Variants in CCSER1 observed in about 807,000 individuals in gnomAD.
CCSER1 encodes serine-rich coiled-coil domain-containing protein 1.
In CCSER1, 41 loss-of-function variants were observed where a neutral mutation model predicts 82.0. That is an observed-to-expected ratio of 0.50 (90% CI 0.39 to 0.65). The LOEUF (loss-of-function observed/expected upper bound fraction) is 0.65, where lower values mean the gene tolerates loss of function less well. Among genes scored for constraint, CCSER1 ranks in the 30% least tolerant of loss-of-function variants. The pLI is 0.00. For synonymous variants in CCSER1, 414 were observed against 383.9 expected, an observed-to-expected ratio of 1.08 and a Z score of -0.92; for missense variants, 1,119 against 1,064.2, an observed-to-expected ratio of 1.05 and a Z score of -0.72.
intron 10 of CCSER1, among the ~76,000 whole-genome samples, chr4:91,107,341 A>G (rs775438127): frequency 2.0e-4 from 30 of 151,870 alleles, no homozygotes; most frequent in Non-Finnish European, 3.7e-4. Flanking sequence ...TGCAACCTCC[A>G]CCTCCCAGGT....
chr4:90,462,758 G>C (rs2153584765), intron 4 of CCSER1, among the ~76,000 whole-genome samples: 1 of 152,154 alleles, frequency 6.6e-6, no homozygotes, highest in South Asian at 2.1e-4. Flanking sequence ...AAGTAAAACA[G>C]TTATAAATAA....
At position 90,287,984 on chromosome 4, in the gene CCSER1, A is replaced by C. The variant is rs73832739; in HGVS notation, c.-41-20260A>C. Among the ~76,000 whole-genome samples, 27 of 151,742 alleles carry C rather than the reference A, an allele frequency of 1.8e-4. No homozygotes were observed. In the South Asian group the frequency reaches 5.6e-3, roughly 32 times the overall value. ...AACAACAACAAAAAAAACCCTGGGC[A>C]TTTTTTTATTCTTTTCTTTCTCTCA... On this transcript the variant is annotated intron_variant, in intron 1 of 10. Coordinates refer to ENST00000509176, the MANE Select transcript of CCSER1 (RefSeq NM_001145065.2).
chr4:90,932,660 T>A (rs1729974263), intron 9 of CCSER1, among the ~76,000 whole-genome samples: 1 of 151,044 alleles, frequency 6.6e-6, no homozygotes, highest in Non-Finnish European at 1.5e-5. Context: ...AAATCCCTTC[T>A]CTACTAAAAT....
chr4:91,171,811 A>G (rs902711420), intron 10 of CCSER1, among the ~76,000 whole-genome samples: 7 of 152,178 alleles, frequency 4.6e-5, no homozygotes, highest in African/African-American at 1.7e-4. Flanking sequence ...TTGTTAACCT[A>G]TGATTCATAA....
intron 3 of CCSER1, among the ~76,000 whole-genome samples, chr4:90,329,857 T>A (rs1187136800): frequency 6.6e-6 from 1 of 152,160 alleles, no homozygotes; most frequent in African/African-American, 2.4e-5. Flanking sequence ...TGCATTTTTT[T>A]ATTTCTTAAA....
At chr4:90,666,083 A>C (rs1462152476) in intron 6 of CCSER1, among the ~76,000 whole-genome samples, 1 of 152,002 alleles carries the variant, frequency 6.6e-6, no homozygotes, top group Non-Finnish European at 1.5e-5. Context: ...GCAGTTGTGC[A>C]TGGAGTCTTT....
intron 10 of CCSER1, among the ~76,000 whole-genome samples, chr4:91,106,156 C>T (rs1481143457): frequency 4.6e-5 from 7 of 152,174 alleles, no homozygotes; most frequent in Non-Finnish European, 8.8e-5. Flanking sequence ...AATGAGTTAG[C>T]ATTTACTATG....
chr4:90,740,116 G>A (rs1746301216), intron 7 of CCSER1, among the ~76,000 whole-genome samples: 1 of 151,998 alleles, frequency 6.6e-6, no homozygotes, highest in Admixed American at 6.6e-5. Flanking sequence ...TCCATTAAAT[G>A]TCACCATATT....
In CCSER1 at chr4:90,614,384, G is replaced by A. The variant is rs920130991; in HGVS notation, c.1725-13641G>A. Among the ~76,000 whole-genome samples the A allele has an allele frequency of 5.9e-5, 9 of 152,222 alleles. No homozygotes were observed. In the East Asian group the frequency reaches 1.7e-3, roughly 29 times the overall value. ...AAGAGTCACATTTCTCTAAATTTAC[G>A]TGAAAAGCTGTAAATGATTAAGCTT... On this transcript the variant is annotated intron_variant, in intron 5 of 10. Coordinates refer to ENST00000509176, the MANE Select transcript of CCSER1 (RefSeq NM_001145065.2).
At chr4:90,845,803 C>T (rs1763162404) in intron 8 of CCSER1, among the ~76,000 whole-genome samples, 1 of 128,814 alleles carries the variant, frequency 7.8e-6, no homozygotes, top group Non-Finnish European at 1.7e-5. Flanking sequence ...CTTATTTCAA[C>T]TGTGAAAAAA....
Position 91,599,447 on chromosome 4 carries a change from CT to C in CCSER1, c.*391del, listed in dbSNP as rs1256476250. On this transcript the variant is annotated 3_prime_UTR_variant, in exon 11 of 11. Transcript: ENST00000509176. ...TAATGGTGTTACTATAAAAGTAGAC[CT>C]GATGAAAAATAGATAAAGGAATTAT... The C allele has an allele frequency of 6.5e-6, 1 of 153,228 alleles. No individual in the cohort carries two copies. The highest frequency in any genetic ancestry group is 1.4e-5 in the Non-Finnish European group (1 of 69,472). The allele number at this position is 153,228 out of a possible 1,614,324, so 9.5% of individuals were successfully genotyped here.
At chr4:90,262,661 G>C (rs932832667) in intron 1 of CCSER1, among the ~76,000 whole-genome samples, 1 of 152,050 alleles carries the variant, frequency 6.6e-6, no homozygotes, top group Non-Finnish European at 1.5e-5. Context: ...CTTGATGAAG[G>C]TGGCTGGGAG....
intron 9 of CCSER1, among the ~76,000 whole-genome samples, chr4:91,067,622 G>A (rs1045520148): frequency 2.4e-5 from 3 of 124,842 alleles, no homozygotes; most frequent in African/African-American, 7.8e-5. Context: ...TGGGATTACA[G>A]GTATGAGCCA....
chr4:90,554,344 C>T (rs1011645359), intron 5 of CCSER1, among the ~76,000 whole-genome samples: 22 of 151,876 alleles, frequency 1.4e-4, no homozygotes, highest in Admixed American at 1.2e-3. Flanking sequence ...AGTCCAGCCT[C>T]GGCAACAGGG....
chr4:91,152,564 A>G (rs1421057331), intron 10 of CCSER1, among the ~76,000 whole-genome samples: 1 of 152,206 alleles, frequency 6.6e-6, no homozygotes, highest in African/African-American at 2.4e-5. Flanking sequence ...TGTCATTACA[A>G]TGTCAGCTGG....
At chr4:91,304,903 G>A (rs1744934748) in intron 10 of CCSER1, among the ~76,000 whole-genome samples, 1 of 151,988 alleles carries the variant, frequency 6.6e-6, no homozygotes, top group Non-Finnish European at 1.5e-5. Flanking sequence ...ATTATATGGT[G>A]AATCATATGT....
intron 10 of CCSER1, among the ~76,000 whole-genome samples, chr4:91,136,448 A>G (rs762763301): frequency 2.2e-4 from 34 of 152,130 alleles, no homozygotes; most frequent in Admixed American, 6.5e-4. Context: ...GAGCATCTGT[A>G]AATTCTTTTA....
rs539842666 is a variant in CCSER1, at chr4:91,166,749, G to A, written c.2217+80755G>A. Among the ~76,000 whole-genome samples the A allele has an allele frequency of 3.3e-5, 5 of 152,188 alleles. No homozygotes were observed. The South Asian group carries it at 6.2e-4, about 19-fold the overall frequency. On this transcript the variant is annotated intron_variant, in intron 10 of 10. Transcript: ENST00000509176. ...TGTTGTTTTTTTAACCACAAAACTA[G>A]CTCCAAGTAAAGAGAACTTTGAAAG...
At chr4:90,463,199 C>T (rs1037259956) in intron 4 of CCSER1, among the ~76,000 whole-genome samples, 5 of 152,110 alleles carry the variant, frequency 3.3e-5, no homozygotes, top group African/African-American at 1.2e-4. Flanking sequence ...GGCTGCTTGA[C>T]GTTTTCACAG....
Sources: gnomAD v4.1 joint callset for allele counts (sites outside exome capture counted in the v4.1 genomes callset) on GRCh38, gnomAD v4.1.1 for gene constraint, MANE v1.5 for transcripts, NCBI Gene and HGNC (gene_info 2026-07-23, HGNC 2026-07-21) for gene names.